NAA25: variants seen among roughly 807,000 people sequenced by gnomAD.
NAA25 encodes N-terminal acetyltransferase B complex subunit NAA25.
In NAA25, 30 loss-of-function variants were observed where a neutral mutation model predicts 132.5. That is an observed-to-expected ratio of 0.23 (90% confidence interval 0.17 to 0.31). NAA25 has a LOEUF of 0.31. Ranked by LOEUF, NAA25 falls within the 10% of genes least tolerant of loss-of-function variation. The pLI, the probability that NAA25 is intolerant of heterozygous loss-of-function variation, is 1.00. For synonymous variants in NAA25, 359 were observed against 401.9 expected (o/e 0.89, Z 1.28); for missense variants, 771 against 1,150.4 (o/e 0.67, Z 4.77).
intron 4 of NAA25, among the ~76,000 whole-genome samples, chr12:112,084,787 A>G (rs1341312414): frequency 1.3e-5 from 2 of 151,054 alleles, no homozygotes; most frequent in Non-Finnish European, 3.0e-5. Context: ...GCGAGACTCC[A>G]TATCAAATAA....
chr12:112,049,950 A>C lies in NAA25; in HGVS notation c.1729-1507T>G, dbSNP rs1441208664. ...TAATTCCAATCAAAGTTATAATTAC[A>C]GTTCCAAAGTATGCTATGATTTAAG... On this transcript the variant is annotated intron_variant, in intron 15 of 23. Coordinates refer to ENST00000261745, the MANE Select transcript of NAA25 (RefSeq NM_024953.4). The surrounding 1 kb of genome is among the most constrained non-coding windows in gnomAD (Gnocchi z 4.7). Among the ~76,000 whole-genome samples the C allele has an allele frequency of 6.6e-6, 1 of 152,132 alleles. No homozygotes were observed. Among genetic ancestry groups the C allele is most frequent in the East Asian group, 1.9e-4 (1 of 5,190 alleles).
chr12:112,050,243 G>C (rs1566004859), intron 15 of NAA25, among the ~76,000 whole-genome samples: 1 of 152,142 alleles, frequency 6.6e-6, no homozygotes, highest in Non-Finnish European at 1.5e-5. Flanking sequence ...CTAGGACCAA[G>C]GCTGTGGAAG....
At chr12:112,035,232 G>T (rs1210485379) in intron 22 of NAA25, 1 of 152,126 alleles carries the variant, frequency 6.6e-6, no homozygotes, top group Non-Finnish European at 1.5e-5. Flanking sequence ...CACTACAAAA[G>T]ACAATTCCCA....
rs1310115025 is a variant in NAA25 at position 112,100,385 on chromosome 12, T to A, written c.59-7249A>T. ...ACCATGTTGGCCAGGATGGTCTCGA[T>A]CTCCTGACCTCGTGATCCTCCTGCC... On this transcript the variant is annotated intron_variant, in intron 1 of 23. Transcript: ENST00000261745. 2.0e-5 allele frequency among the ~76,000 whole-genome samples: 3 copies of A among 152,164 alleles called. No homozygotes were observed. The South Asian group carries it at 6.2e-4, about 32-fold the overall frequency.
intron 14 of NAA25, among the ~76,000 whole-genome samples, chr12:112,054,155 T>C (rs951723784): frequency 6.6e-6 from 1 of 152,140 alleles, no homozygotes; most frequent in African/African-American, 2.4e-5. Context: ...AGTATATAGG[T>C]GTTTGCTATC....
At chr12:112,083,890 T>C (rs2079007665) in intron 4 of NAA25, among the ~76,000 whole-genome samples, 1 of 152,088 alleles carries the variant, frequency 6.6e-6, no homozygotes, top group South Asian at 2.1e-4. Context: ...AATAAATGCT[T>C]AAAAATAAAT....
chr12:112,030,105 T>C (rs2078129159), intron 23 of NAA25, among the ~76,000 whole-genome samples: 1 of 146,556 alleles, frequency 6.8e-6, no homozygotes, highest in Non-Finnish European at 1.5e-5. Context: ...CCCAGCTACT[T>C]GGGAAGCTGA....
intron 15 of NAA25, among the ~76,000 whole-genome samples, chr12:112,050,834 G>C (rs1410207354): frequency 6.6e-6 from 1 of 152,066 alleles, no homozygotes; most frequent in African/African-American, 2.4e-5. Context: ...AACCTTTCTA[G>C]AAAGAAAATC....
At chr12:112,060,552 G>A (rs1424018689) in intron 12 of NAA25, among the ~76,000 whole-genome samples, 193 bp from the exon 13 acceptor site, 1 of 152,224 alleles carries the variant, frequency 6.6e-6, no homozygotes, top group Admixed American at 6.5e-5. Context: ...ACCACACTCA[G>A]CTGGAACAGA....
chr12:112,100,297 G>T (rs1362128932), intron 1 of NAA25, among the ~76,000 whole-genome samples: 1 of 152,088 alleles, frequency 6.6e-6, no homozygotes, highest in Non-Finnish European at 1.5e-5. Context: ...GAGCAGCTGG[G>T]ACTACAGGCT....
intron 1 of NAA25, chr12:112,097,357 C>T (rs868317473): frequency 6.6e-6 from 1 of 152,158 alleles, no homozygotes; most frequent in South Asian, 2.1e-4. Context: ...GCTGTAATCC[C>T]AGCACTTTGG....
chr12:112,041,786 T>C (rs372685633), intron 20 of NAA25, among the ~76,000 whole-genome samples: 4 of 152,140 alleles, frequency 2.6e-5, no homozygotes, highest in East Asian at 1.9e-4. Flanking sequence ...CATGGAAAGG[T>C]ATCCAAAATA....
chr12:112,075,863 A>C (rs2136897113), intron 7 of NAA25, 74 bp from the exon 8 acceptor site: 5 of 1,164,744 alleles, frequency 4.3e-6, no homozygotes, highest in Non-Finnish European at 6.3e-6. Flanking sequence ...GTCCAACCAC[A>C]AGAAGGAAAA....
chr12:112,074,749 C>G lies in NAA25; in HGVS notation c.792G>C (p.Gln264His), dbSNP rs1291482074. Residue 264 changes from glutamine (Q) to histidine (H), a missense_variant, in exon 9 of 24, where the codon CAG (glutamine) becomes CAC (histidine). By Grantham distance (24) the Gln-to-His change is conservative. This residue lies in a region of NAA25 where 417 missense variants were observed against 733.8 expected (regional missense o/e 0.57). Transcript: ENST00000261745. The stretch of plus-strand genomic sequence containing the variant: ...CAGAATCGAAATAAGTCAGATAGAA[C>G]TGCCAGTCATCTGAGCTAAAATCAG... Reference protein sequence around the residue: ...RLLLKNSDDWQFYLTYFDSVF... With the variant: ...RLLLKNSDDWHFYLTYFDSVF... 1 of 1,610,720 alleles carries G rather than the reference C, an allele frequency of 6.2e-7. No homozygotes were observed.
chr12:112,088,968 A>G (rs2079093536), intron 3 of NAA25, among the ~76,000 whole-genome samples: 1 of 152,206 alleles, frequency 6.6e-6, no homozygotes, highest in African/African-American at 2.4e-5. Context: ...AGTCATAGAG[A>G]AACATGCCAC....
At chr12:112,050,514 C>CTT (rs751821445) in intron 15 of NAA25, among the ~76,000 whole-genome samples, 2 of 143,254 alleles carry the variant, frequency 1.4e-5, no homozygotes, top group Non-Finnish European at 1.5e-5. Flanking sequence ...CTTTTATTTA[C>CTT]TTTTTTTTTT....
chr12:112,092,239 T>TA (rs2079142333), intron 2 of NAA25, among the ~76,000 whole-genome samples: 1 of 142,160 alleles, frequency 7.0e-6, no homozygotes, highest in Admixed American at 7.4e-5. Flanking sequence ...AGACTCCATC[T>TA]CAAAAAAGAA....
At chr12:112,090,107 A>C (rs574126906) in intron 3 of NAA25, among the ~76,000 whole-genome samples, 1 of 152,022 alleles carries the variant, frequency 6.6e-6, no homozygotes, top group South Asian at 2.1e-4. Context: ...CTGGGATTAC[A>C]AGTTTTAGCC....
At chr12:112,080,237 C>T (rs763878595) in intron 5 of NAA25, among the ~76,000 whole-genome samples, 2 of 138,844 alleles carry the variant, frequency 1.4e-5, no homozygotes, top group African/African-American at 5.5e-5. Context: ...GCTGAGATCG[C>T]GTCACTGCAC....
Sources: gnomAD v4.1 joint callset for allele counts (sites outside exome capture counted in the v4.1 genomes callset) on GRCh38, gnomAD v4.1.1 for gene constraint, gnomAD v4.1.1 regional missense constraint, Gnocchi (gnomAD v3.1) non-coding constraint, MANE v1.5 for transcripts, NCBI Gene and HGNC (gene_info 2026-07-23, HGNC 2026-07-21) for gene names.